TTC34: variants seen among roughly 807,000 people sequenced by gnomAD.
The protein encoded by TTC34 is tetratricopeptide repeat protein 34.
Under a neutral mutation model 40.7 loss-of-function variants are expected in TTC34, and 44 were observed. The observed-to-expected ratio is 1.08, with a 90% CI of 0.85 to 1.39. The LOEUF is 1.39. TTC34 is among the 40% of genes most tolerant of loss of function. The pLI is 0.00. For synonymous variants in TTC34, 422 were observed against 398.6 expected (o/e 1.06, Z -0.70); for missense variants, 884 against 838.0 (o/e 1.05, Z -0.68).
intron 6 of TTC34, among the ~76,000 whole-genome samples, chr1:2,652,325 C>G (rs796227758): frequency 4.9e-3 from 34 of 6,872 alleles, no homozygotes; most frequent in Admixed American, 0.014. Flanking sequence ...AGCACCCACA[C>G]CCCCAGGTGA....
chr1:2,685,237 AC>A (rs1553155469), intron 6 of TTC34, among the ~76,000 whole-genome samples: 1 of 26,466 alleles, frequency 3.8e-5, no homozygotes, highest in Non-Finnish European at 8.8e-5. Context: ...CAGCACCCAC[AC>A]CCCAGGTGAG....
At chr1:2,688,377 T>C (rs1350715159) in intron 6 of TTC34, among the ~76,000 whole-genome samples, 32 of 123,826 alleles carry the variant, frequency 2.6e-4, no homozygotes, top group South Asian at 5.4e-4. Context: ...CACGCCCAGG[T>C]GAGCATCTGA....
chr1:2,694,871 A>C (rs146531127), intron 6 of TTC34, among the ~76,000 whole-genome samples: 386 of 12,806 alleles, frequency 0.03, no homozygotes, highest in Middle Eastern at 0.071. Flanking sequence ...AGCACCCACA[A>C]CCACAGGTGA....
intron 4 of TTC34, among the ~76,000 whole-genome samples, chr1:2,786,670 G>C (rs111455842): frequency 6.6e-6 from 1 of 152,158 alleles, no homozygotes; most frequent in South Asian, 2.1e-4. Flanking sequence ...GTCAACAGGC[G>C]CCAGGGAGTC....
intron 6 of TTC34, among the ~76,000 whole-genome samples, chr1:2,687,608 C>G (rs1226570609): frequency 2.0e-5 from 3 of 151,218 alleles, no homozygotes; most frequent in African/African-American, 4.9e-5. Flanking sequence ...CACCCACACC[C>G]CCAGGTGAGC....
chr1:2,789,393 G>C (rs1028553722), intron 3 of TTC34, 110 bp downstream of exon 3: 21 of 1,123,278 alleles, frequency 1.9e-5, no homozygotes, highest in Middle Eastern at 2.0e-4. Context: ...GAAGTCACCA[G>C]CCACTGCCTC....
intron 6 of TTC34, among the ~76,000 whole-genome samples, chr1:2,656,374 A>ATC (rs1557589976): frequency 6.7e-4 from 1 of 1,492 alleles, no homozygotes; most frequent in Non-Finnish European, 1.5e-3. Flanking sequence ...CAGCACCCAC[A>ATC]CCCACAGGTG....
intron 6 of TTC34, among the ~76,000 whole-genome samples, chr1:2,760,528 C>A (rs1403119799): frequency 3.8e-4 from 18 of 47,982 alleles, no homozygotes; most frequent in East Asian, 3.0e-3. Context: ...CCCACACCCC[C>A]AGGTGAGCAT....
intron 6 of TTC34, chr1:2,773,477 AGCCTGGAGCAGCG>A: frequency 1.6e-5 from 1 of 64,100 alleles, no homozygotes; most frequent in African/African-American, 5.1e-5. Flanking sequence ...AGCATCTGAC[AGCCTGGAGCAGCG>A]CCCACACCCC....
intron 6 of TTC34, among the ~76,000 whole-genome samples, chr1:2,684,572 C>G (rs1208969631): frequency 2.4e-5 from 3 of 122,580 alleles, no homozygotes; most frequent in Non-Finnish European, 4.9e-5. Context: ...GGTGAGCATC[C>G]GATAGCCTGG....
chr1:2,641,288 G>A, exon 9 of TTC34: 1 of 1,416,272 alleles, frequency 7.1e-7, no homozygotes. Context: ...TTAGGGAGCT[G>A]GGTACACCCC....
In TTC34 at chr1:2,789,625, C is replaced by T; in HGVS notation, c.1506G>A (p.Leu502=). ...CCTCCTCCCGCAGCACCACCAGCAG[C>T]AGCCCCCGCTGGTTCCAGGGCACGT... The change falls in exon 3 of 9, where the codon CTG becomes CTA. Residue 502 remains leucine (L), a synonymous_variant. Coordinates refer to ENST00000401095, the Ensembl canonical transcript of TTC34. 3.6e-6 allele frequency: 5 copies of T among 1,376,092 alleles called. No individual in the cohort carries two copies. The African/African-American group carries it at 7.6e-5, about 21-fold the overall frequency. 85.2% of individuals were successfully genotyped at this position (1,376,092 alleles called of 1,614,324 possible).
exon 8 of TTC34, chr1:2,644,317 G>A: frequency 6.5e-7 from 1 of 1,535,778 alleles, no homozygotes; most frequent in South Asian, 1.2e-5. Context: ...AGGCAGCTGA[G>A]ATCCGGGGCA....
chr1:2,642,950 C>A (rs1638937164), intron 8 of TTC34, among the ~76,000 whole-genome samples: 1 of 152,254 alleles, frequency 6.6e-6, no homozygotes, highest in African/African-American at 2.4e-5. Flanking sequence ...CCGTCCCTCG[C>A]CTGCGGTGCG....
chr1:2,777,584 G>C (rs764354668), intron 6 of TTC34, among the ~76,000 whole-genome samples: 2 of 152,100 alleles, frequency 1.3e-5, no homozygotes, highest in Non-Finnish European at 2.9e-5. Flanking sequence ...GGACAGGGTT[G>C]TTGGCCAGGA....
rs1641676640 is a variant in TTC34 at position 2,761,274 on chromosome 1, G to A, written c.2226+22335C>T. Among the ~76,000 whole-genome samples the A allele has an allele frequency of 1.0e-4, 6 of 59,692 alleles. 1 individual carries two copies. The highest frequency in any genetic ancestry group is 7.7e-4 in the Admixed American group (5 of 6,520). 39.2% of individuals were successfully genotyped at this position (59,692 alleles called of 152,430 possible). A position where few individuals can be genotyped will look rare whatever the true frequency, so the allele number is the denominator to read the frequency against. On this transcript the variant is annotated intron_variant, in intron 6 of 8. Transcript: ENST00000401095. ...GGTGAGCATCCGACAGTCTGGGGCAGCACCCACTCCCGCAGGTGAGCATCC... is the reference window on the plus strand; with the variant it reads ...GGTGAGCATCCGACAGTCTGGGGCAACACCCACTCCCGCAGGTGAGCATCC...
chr1:2,759,675 A>T, intron 6 of TTC34, among the ~76,000 whole-genome samples: 2 of 138,994 alleles, frequency 1.4e-5, no homozygotes, highest in Non-Finnish European at 1.5e-5. Flanking sequence ...AGCAGCACCA[A>T]CAACCCCAGG....
intron 6 of TTC34, among the ~76,000 whole-genome samples, chr1:2,685,109 G>T (rs1480821411): frequency 2.9e-5 from 4 of 139,924 alleles, no homozygotes; most frequent in African/African-American, 1.2e-4. Context: ...GCTTGGATCA[G>T]CACCCACACC....
At chr1:2,687,515 A>T (rs1330348658) in intron 6 of TTC34, among the ~76,000 whole-genome samples, 1 of 147,306 alleles carries the variant, frequency 6.8e-6, no homozygotes, top group Non-Finnish European at 1.5e-5. Context: ...ATCCTTGAGC[A>T]GCACCCACAC....
Sources: allele counts gnomAD v4.1 joint callset (sites outside exome capture counted in the v4.1 genomes callset), GRCh38; gene constraint gnomAD v4.1.1; transcripts MANE v1.5; gene names NCBI Gene and HGNC (gene_info 2026-07-23, HGNC 2026-07-21).